The following NBEAL1 variants were observed in gnomAD, a reference collection of about 807,000 sequenced individuals.
NBEAL1 encodes neurobeachin like 1, also known as neurobeachin-like protein 1.
Under a neutral mutation model 351.3 loss-of-function variants are expected in NBEAL1, and 273 were observed. The ratio of observed to expected loss-of-function variants is 0.78; its 90% CI spans 0.70 to 0.86. The LOEUF is 0.86. NBEAL1 is among the 40% of genes least tolerant of loss of function. NBEAL1 has a pLI of 0.00. For missense variants in NBEAL1, 2,961 were observed against 3,201.3 expected, an observed-to-expected ratio of 0.92 and a Z score of 1.81; for synonymous variants, 1,050 against 1,086.4, an observed-to-expected ratio of 0.97 and a Z score of 0.66.
At chr2:203,211,137 T>G in intron 54 of NBEAL1, 31 bp downstream of exon 54, 1 of 1,454,858 alleles carries the variant, frequency 6.9e-7, no homozygotes, top group African/African-American at 1.4e-5. Flanking sequence ...AAGTATCACT[T>G]AAGAAAAGGG....
rs1417219093 is a variant in NBEAL1, at chr2:203,126,088, C to T, written c.2980C>T (p.Gln994Ter). 6.5e-7 allele frequency: 1 copy of T among 1,542,524 alleles called. No individual in the cohort carries two copies. ...AGTTGCAACTCTTGGTGCTTTACTT[C>T]AGAAGGTGAGCCAGTCTAACATTGT... ...HGVATLGALL[Q>*]KVPSTLMDVN... is the part of the protein sequence containing the mutation. Residue 994 changes from glutamine to a stop codon, truncating the protein, a stop_gained, in exon 21 of 56, where the codon CAG becomes TAG. Coordinates refer to ENST00000683969, the MANE Select transcript of NBEAL1 (RefSeq NM_001378026.1). LOFTEE classifies it high-confidence loss of function.
chr2:203,207,368 G>A (rs2065631533), intron 51 of NBEAL1, among the ~76,000 whole-genome samples: 1 of 152,152 alleles, frequency 6.6e-6, no homozygotes, highest in Non-Finnish European at 1.5e-5. Flanking sequence ...CTACTGGGAA[G>A]TGAGGAGCCC....
At chr2:203,142,906 G>A (rs2063416249) in intron 31 of NBEAL1, among the ~76,000 whole-genome samples, 1 of 152,082 alleles carries the variant, frequency 6.6e-6, no homozygotes, top group Admixed American at 6.6e-5. Context: ...AGAGCTTTGA[G>A]TCATGTTAGA....
At position 203,142,453 on chromosome 2, in the gene NBEAL1, G is replaced by A. The variant is rs368764754; in HGVS notation, c.4849-2147G>A. ...TTACAGGTGTGTGCCACCATGCCCA[G>A]CCTGGGCATCAGTATTTTTTGTAAC... On this transcript the variant is annotated intron_variant, in intron 31 of 55. Coordinates refer to ENST00000683969, the MANE Select transcript of NBEAL1 (RefSeq NM_001378026.1). Among the ~76,000 whole-genome samples the A allele has an allele frequency of 5.9e-5, 9 of 152,252 alleles. No individual in the cohort carries two copies. The East Asian group carries it at 1.7e-3, about 29-fold the overall frequency.
intron 2 of NBEAL1, among the ~76,000 whole-genome samples, chr2:203,019,237 T>C (rs570674421): frequency 6.6e-6 from 1 of 152,210 alleles, no homozygotes; most frequent in Non-Finnish European, 1.5e-5. Context: ...AATTTATTAG[T>C]GTAGCGGCCA....
intron 2 of NBEAL1, among the ~76,000 whole-genome samples, chr2:203,022,617 A>G (rs2060790021): frequency 1.3e-5 from 2 of 152,190 alleles, no homozygotes; most frequent in South Asian, 4.1e-4. Flanking sequence ...GTATTTTAAG[A>G]GGAAGAGAGA....
At chr2:203,174,949 C>T (rs1356056199) in intron 41 of NBEAL1, among the ~76,000 whole-genome samples, 198 bp from the exon 42 acceptor site, 1 of 151,662 alleles carries the variant, frequency 6.6e-6, no homozygotes, top group Non-Finnish European at 1.5e-5. Context: ...TTTTGTTGTT[C>T]AGAAAAAAGT....
chr2:203,040,272 C>T, intron 2 of NBEAL1: 1 of 810,182 alleles, frequency 1.2e-6, no homozygotes, highest in Non-Finnish European at 2.1e-6. Flanking sequence ...TGGAATCATT[C>T]CTACATGATT....
At chr2:203,190,663 G>C in intron 46 of NBEAL1, 2 of 320,936 alleles carry the variant, frequency 6.2e-6, no homozygotes, top group Middle Eastern at 1.5e-3. Flanking sequence ...GCTTTCCAGA[G>C]CCCAAACCCA....
In NBEAL1 at chr2:203,056,580, T is replaced by C. The variant is rs376630201; in HGVS notation, c.387+72T>C. 8.1e-5 allele frequency: 75 copies of C among 921,184 alleles called. 1 individual carries two copies. Among genetic ancestry groups the C allele is most frequent in the East Asian group, 7.8e-4 (29 of 37,348 alleles). The allele number at this position is 921,184 out of a possible 1,614,324, so 57.1% of individuals were successfully genotyped here. A position where few individuals can be genotyped will look rare whatever the true frequency, so the allele number is the denominator to read the frequency against. On this transcript the variant is annotated intron_variant, in intron 5 of 55. Coordinates refer to ENST00000683969, the MANE Select transcript of NBEAL1 (RefSeq NM_001378026.1). ...GTTTTACTTTTTGTTTGTTTGTTTGTTTTGAGATGGAGTTTTGCTCTTGTT... is the reference window on the plus strand; with the variant it reads ...GTTTTACTTTTTGTTTGTTTGTTTGCTTTGAGATGGAGTTTTGCTCTTGTT...
chr2:203,132,267 AC>A (rs2063090918), intron 26 of NBEAL1, 135 bp downstream of exon 26: 1 of 609,934 alleles, frequency 1.6e-6, no homozygotes, highest in Non-Finnish European at 2.8e-6. Flanking sequence ...ACCATATCTT[AC>A]GTAGTTTTGT....
intron 2 of NBEAL1, among the ~76,000 whole-genome samples, chr2:203,030,894 A>G (rs1008078746): frequency 1.3e-5 from 2 of 152,178 alleles, no homozygotes; most frequent in African/African-American, 4.8e-5. Flanking sequence ...GCATGCCTAT[A>G]GTCACAGCCA....
chr2:203,148,907 A>ATTAAAATGC, intron 33 of NBEAL1, 84 bp from the exon 34 acceptor site: 2 of 1,269,204 alleles, frequency 1.6e-6, no homozygotes, highest in South Asian at 5.3e-5. Flanking sequence ...TTTATTGGTC[A>ATTAAAATGC]AAAATTTTAA....
At chr2:203,152,305 A>G (rs1290672079) in intron 35 of NBEAL1, among the ~76,000 whole-genome samples, 1 of 150,564 alleles carries the variant, frequency 6.6e-6, no homozygotes, top group East Asian at 2.0e-4. Flanking sequence ...CTATTTTTAT[A>G]GTGCTCTAGA....
At chr2:203,100,797 C>T (rs568028994) in intron 12 of NBEAL1, among the ~76,000 whole-genome samples, 2 of 152,110 alleles carry the variant, frequency 1.3e-5, no homozygotes, top group Non-Finnish European at 2.9e-5. Flanking sequence ...ATCCGCCTGC[C>T]TCGACCTCCA....
At chr2:203,067,557 A>C (rs1337841668) in intron 6 of NBEAL1, among the ~76,000 whole-genome samples, 1 of 152,076 alleles carries the variant, frequency 6.6e-6, no homozygotes. Flanking sequence ...GGTCATTAAG[A>C]AGAAAGCATC....
rs965446503 is a variant in NBEAL1 at position 203,087,635 on chromosome 2, T to C, written c.1098+3066T>C. 5.9e-5 allele frequency among the ~76,000 whole-genome samples: 9 copies of C among 152,234 alleles called. No homozygotes were observed. In the South Asian group the frequency reaches 1.0e-3, roughly 17 times the overall value. On this transcript the variant is annotated intron_variant, in intron 10 of 55. Coordinates refer to ENST00000683969, the MANE Select transcript of NBEAL1 (RefSeq NM_001378026.1). The stretch of plus-strand genomic sequence containing the variant: ...TGTTTTCTTATTCATGCTTTTTAAA[T>C]CTATCTCCTTGATGCTTTTATAGCT...
intron 38 of NBEAL1, among the ~76,000 whole-genome samples, chr2:203,168,893 C>CA (rs35683401): frequency 0.85 from 82,424 of 97,240 alleles, 35,249 homozygotes; most frequent in South Asian, 0.92. Flanking sequence ...GACTCCATCT[C>CA]AAAAAAAAAA....
intron 10 of NBEAL1, among the ~76,000 whole-genome samples, chr2:203,094,340 C>G (rs373074870): frequency 6.6e-6 from 1 of 152,120 alleles, no homozygotes; most frequent in Non-Finnish European, 1.5e-5. Flanking sequence ...AAACCTAACT[C>G]CCCAAATATA....
Sources: allele counts gnomAD v4.1 joint callset (sites outside exome capture counted in the v4.1 genomes callset), GRCh38; gene constraint gnomAD v4.1.1; transcripts MANE v1.5; gene names NCBI Gene and HGNC (gene_info 2026-07-23, HGNC 2026-07-21).